Variants in SFI1 observed in about 807,000 individuals in gnomAD.
SFI1 encodes the protein protein SFI1 homolog.
Under a neutral mutation model 207.5 loss-of-function variants are expected in SFI1, and 195 were observed. The ratio of observed to expected loss-of-function variants is 0.94; its 90% confidence interval spans 0.84 to 1.06. The LOEUF is 1.06. Among genes scored for constraint, SFI1 ranks in the 50% least tolerant of loss-of-function variants. SFI1 has a pLI of 0.00. For synonymous variants in SFI1, 630 were observed against 598.9 expected, an observed-to-expected ratio of 1.05 and a Z score of -0.76; for missense variants, 1,634 against 1,588.0, an observed-to-expected ratio of 1.03 and a Z score of -0.49.
chr22:31,585,437 C>T (rs1370175142), intron 14 of SFI1, among the ~76,000 whole-genome samples: 1 of 152,180 alleles, frequency 6.6e-6, no homozygotes, highest in Non-Finnish European at 1.5e-5. Context: ...GCCCTTCACC[C>T]AGTGGGACCT....
intron 2 of SFI1, among the ~76,000 whole-genome samples, chr22:31,524,163 T>C (rs999254627): frequency 5.3e-5 from 8 of 151,984 alleles, no homozygotes; most frequent in African/African-American, 1.7e-4. Context: ...GATGGCGCCA[T>C]TGCACTCCAG....
At chr22:31,554,072 A>C (rs1156288167) in intron 6 of SFI1, among the ~76,000 whole-genome samples, 1 of 151,410 alleles carries the variant, frequency 6.6e-6, no homozygotes, top group Non-Finnish European at 1.5e-5. Flanking sequence ...TCCTGGCCTC[A>C]AGCAGTTCTC....
intron 12 of SFI1, among the ~76,000 whole-genome samples, chr22:31,582,236 A>ATATATATATAT (rs1487021004): frequency 9.9e-5 from 1 of 10,140 alleles, no homozygotes. Context: ...ATATATATAT[A>ATATATATATAT]TTTTTTTTTT....
At chr22:31,543,823 AAAG>A (rs1234952819) in intron 4 of SFI1, among the ~76,000 whole-genome samples, 19 of 151,730 alleles carry the variant, frequency 1.3e-4, no homozygotes, top group African/African-American at 4.6e-4. Flanking sequence ...AAAAAAAAAA[AAAG>A]AAAAAAAACT....
rs1408203560 is a variant in SFI1, at chr22:31,613,384, G to A, written c.2596G>A (p.Glu866Lys). ...GGCCACGTGGCTGGCCTTTGTACTG[G>A]AAAGGAGGAGAAAGAAGGCGCGGCT... Reference protein sequence around the residue: ...VWATWLAFVLERRRKKARLQW... With the variant: ...VWATWLAFVLKRRRKKARLQW... Residue 866 changes from glutamate to lysine, a missense_variant, in exon 26 of 33, where the codon GAA becomes AAA. Coordinates refer to ENST00000400288, the MANE Select transcript of SFI1 (RefSeq NM_001007467.3). The A allele has an allele frequency of 6.2e-7, 1 of 1,611,610 alleles. No homozygotes were observed. The highest frequency in any genetic ancestry group is 1.3e-5 in the African/African-American group (1 of 74,946).
chr22:31,594,706 T>A (rs190903015), intron 15 of SFI1, among the ~76,000 whole-genome samples: 4,823 of 150,562 alleles, frequency 0.032, 104 homozygotes, highest in South Asian at 0.069. Context: ...ATACAAAAAA[T>A]TAGCCGGGCG....
chr22:31,500,678 A>G (rs963529222), intron 1 of SFI1, among the ~76,000 whole-genome samples: 1 of 152,140 alleles, frequency 6.6e-6, no homozygotes, highest in African/African-American at 2.4e-5. Context: ...GCTGGTCTCA[A>G]ATTCCTGATC....
chr22:31,542,539 A>G (rs2059654837), intron 4 of SFI1, among the ~76,000 whole-genome samples: 1 of 152,070 alleles, frequency 6.6e-6, no homozygotes, highest in Non-Finnish European at 1.5e-5. Flanking sequence ...TAGGAAGGAG[A>G]ACCGCTTGAA....
At chr22:31,508,810 G>T (rs1014849278) in intron 2 of SFI1, among the ~76,000 whole-genome samples, 1 of 152,028 alleles carries the variant, frequency 6.6e-6, no homozygotes, top group Non-Finnish European at 1.5e-5. Context: ...TTTGGTAATT[G>T]TTCCCTCCCC....
intron 20 of SFI1, 168 bp downstream of exon 20, chr22:31,605,113 ATGTCTTAAGCCCCTGC>A: frequency 1.7e-6 from 1 of 587,620 alleles, no homozygotes; most frequent in Non-Finnish European, 2.9e-6. Flanking sequence ...GTTCGCCTTC[ATGTCTTAAGCCCCTGC>A]TGTGTGCAGG....
Position 31,565,577 on chromosome 22 carries a change from T to G in SFI1, c.765+4185T>G, listed in dbSNP as rs185173082. Among the ~76,000 whole-genome samples the G allele has an allele frequency of 4.4e-3, 663 of 151,426 alleles. 5 individuals are homozygous for G. The highest frequency in any genetic ancestry group is 0.015 in the African/African-American group (625 of 41,248). Reference sequence around the variant, plus strand: ...AGCTAGACGTGGTGGCGCATGCCTGTTGTCCCAGCTACTTGGGAGGCTTAG... The same window carrying G: ...AGCTAGACGTGGTGGCGCATGCCTGGTGTCCCAGCTACTTGGGAGGCTTAG... On this transcript the variant is annotated intron_variant, in intron 8 of 32. Coordinates refer to ENST00000400288, the MANE Select transcript of SFI1 (RefSeq NM_001007467.3).
At chr22:31,585,248 AAG>A (rs760595925) in intron 14 of SFI1, 114 bp downstream of exon 14, 17 of 836,390 alleles carry the variant, frequency 2.0e-5, no homozygotes, top group Non-Finnish European at 3.2e-5. Context: ...TCTGCTTTGG[AAG>A]AGAGGGTGTT....
At chr22:31,496,818 G>A (rs1601705746) in intron 1 of SFI1, among the ~76,000 whole-genome samples, 181 bp downstream of exon 1, 2 of 152,212 alleles carry the variant, frequency 1.3e-5, no homozygotes, top group East Asian at 3.9e-4. Context: ...GGGAATGGAG[G>A]AAGTGCGACA....
chr22:31,516,589 C>A (rs893447627), intron 2 of SFI1, among the ~76,000 whole-genome samples: 2 of 151,332 alleles, frequency 1.3e-5, no homozygotes, highest in African/African-American at 4.9e-5. Context: ...AAGGCCAACG[C>A]AGGCAGATCA....
rs904090928 is a variant in SFI1, at chr22:31,554,442, G to A, written c.545-2500G>A. Among the ~76,000 whole-genome samples the A allele has an allele frequency of 5.3e-5, 8 of 152,046 alleles. No homozygotes were observed. In the East Asian group the frequency reaches 1.2e-3, roughly 22 times the overall value. On this transcript the variant is annotated intron_variant, in intron 6 of 32. Transcript: ENST00000400288. Reference sequence around the variant, plus strand: ...TCCTACCTCAGCCTCCCAATTAGCTGGGACTACAGGTGCCCACCACCCCGC... The same window carrying A: ...TCCTACCTCAGCCTCCCAATTAGCTAGGACTACAGGTGCCCACCACCCCGC...
chr22:31,556,246 G>A lies in SFI1; in HGVS notation c.545-696G>A, dbSNP rs1263095585. Among the ~76,000 whole-genome samples the A allele has an allele frequency of 4.1e-5, 6 of 145,086 alleles. No homozygotes were observed. In the East Asian group the frequency reaches 5.9e-4, roughly 14 times the overall value. On this transcript the variant is annotated intron_variant, in intron 6 of 32. Transcript: ENST00000400288. ...CTTTTCTTTTTTTTTTTTTTGAGAC[G>A]GAGTCTTGCTCTGTCGCCCAGGCTA...
chr22:31,514,140 CA>C (rs113946302), intron 2 of SFI1, among the ~76,000 whole-genome samples: 8,840 of 82,670 alleles, frequency 0.11, 383 homozygotes, highest in East Asian at 0.19. Context: ...AACTCCATCT[CA>C]AAAAAAAAAA....
At chr22:31,509,270 C>T (rs189363529) in intron 2 of SFI1, among the ~76,000 whole-genome samples, 1 of 152,210 alleles carries the variant, frequency 6.6e-6, no homozygotes, top group Admixed American at 6.5e-5. Flanking sequence ...AAGGTGAAGT[C>T]CCGTGATAGG....
chr22:31,522,935 T>G (rs888935661), intron 2 of SFI1, among the ~76,000 whole-genome samples: 1 of 152,208 alleles, frequency 6.6e-6, no homozygotes, highest in African/African-American at 2.4e-5. Flanking sequence ...ATTACAGGTG[T>G]GAGCCACAGC....
Sources: gnomAD v4.1 joint callset for allele counts (sites outside exome capture counted in the v4.1 genomes callset) on GRCh38, gnomAD v4.1.1 for gene constraint, MANE v1.5 for transcripts, NCBI Gene and HGNC (gene_info 2026-07-23, HGNC 2026-07-21) for gene names.